Variants in ST7 observed in about 807,000 individuals in gnomAD.
ST7 encodes the protein suppressor of tumorigenicity 7 protein.
Under a neutral mutation model 78.7 loss-of-function variants are expected in ST7, and 28 were observed. The observed-to-expected ratio is 0.36, with a 90% CI of 0.26 to 0.49. ST7 has a LOEUF of 0.49. Among genes scored for constraint, ST7 ranks in the 20% least tolerant of loss-of-function variants. The pLI is 0.99. For missense variants in ST7, 418 were observed against 696.0 expected, an observed-to-expected ratio of 0.60 and a Z score of 4.49; for synonymous variants, 247 against 249.6, an observed-to-expected ratio of 0.99 and a Z score of 0.10.
intron 1 of ST7, among the ~76,000 whole-genome samples, chr7:117,014,046 C>T (rs901153999): frequency 3.3e-5 from 5 of 152,038 alleles, no homozygotes; most frequent in Non-Finnish European, 7.4e-5. Context: ...AACCAAACAC[C>T]CCACTACTCC....
At chr7:117,121,389 A>G (rs1399011688) in intron 3 of ST7, among the ~76,000 whole-genome samples, 1 of 152,186 alleles carries the variant, frequency 6.6e-6, no homozygotes, top group Non-Finnish European at 1.5e-5. Flanking sequence ...GATAAAATAA[A>G]TTGTGCCAAG....
chr7:117,023,799 T>C (rs1370781644), intron 1 of ST7, among the ~76,000 whole-genome samples: 2 of 151,328 alleles, frequency 1.3e-5, no homozygotes, highest in East Asian at 1.9e-4. Flanking sequence ...ATATATCGTG[T>C]GTGTGCGTGT....
At chr7:117,103,791 A>G (rs80348169) in intron 2 of ST7, among the ~76,000 whole-genome samples, 185 of 152,346 alleles carry the variant, frequency 1.2e-3, no homozygotes, top group Middle Eastern at 3.4e-3. Flanking sequence ...AAAGGAAACA[A>G]TAAAGTGAAG....
At chr7:116,996,566 C>T (rs534079533) in intron 1 of ST7, among the ~76,000 whole-genome samples, 5 of 152,312 alleles carry the variant, frequency 3.3e-5, no homozygotes, top group African/African-American at 7.2e-5. Context: ...ACAGTCTCTT[C>T]GTAACCAGGC....
At chr7:117,042,881 T>A (rs899572518) in intron 1 of ST7, among the ~76,000 whole-genome samples, 8 of 152,136 alleles carry the variant, frequency 5.3e-5, no homozygotes, top group Non-Finnish European at 1.0e-4. Flanking sequence ...TTTGACATAA[T>A]CTCTAGGTCC....
intron 9 of ST7, among the ~76,000 whole-genome samples, chr7:117,140,071 TAGG>T (rs1805146188): frequency 6.6e-6 from 1 of 152,238 alleles, no homozygotes; most frequent in South Asian, 2.1e-4. Context: ...AGCAACTTAA[TAGG>T]AGGAACAAAT....
At chr7:117,085,370 T>G (rs1800058087) in intron 1 of ST7, among the ~76,000 whole-genome samples, 2 of 152,204 alleles carry the variant, frequency 1.3e-5, no homozygotes, top group South Asian at 4.1e-4. Flanking sequence ...TTTTAATGGT[T>G]TCTGTGTTTT....
chr7:117,063,677 C>T (rs1369302307), intron 1 of ST7, among the ~76,000 whole-genome samples: 2 of 152,018 alleles, frequency 1.3e-5, no homozygotes, highest in African/African-American at 4.8e-5. Context: ...CCACTGTACT[C>T]CAGCCTGGGC....
chr7:117,021,697 A>G (rs551940206), intron 1 of ST7, among the ~76,000 whole-genome samples: 2 of 152,286 alleles, frequency 1.3e-5, no homozygotes, highest in South Asian at 2.1e-4. Context: ...TGGCTTTTTA[A>G]AAAGGTTAAT....
chr7:117,214,462 A>G (rs1792531883), intron 13 of ST7, among the ~76,000 whole-genome samples: 1 of 152,182 alleles, frequency 6.6e-6, no homozygotes, highest in Admixed American at 6.5e-5. Context: ...AATGCTGCTC[A>G]CTGTAAGATG....
At chr7:117,115,403 G>A (rs1216118909) in intron 2 of ST7, among the ~76,000 whole-genome samples, 1 of 146,932 alleles carries the variant, frequency 6.8e-6, no homozygotes, top group African/African-American at 2.5e-5. Context: ...CACCCAGGCT[G>A]GAGTACAGTC....
chr7:116,965,963 T>TCACAGG, intron 1 of ST7: 4 of 348,894 alleles, frequency 1.1e-5, no homozygotes, highest in South Asian at 1.0e-4. Flanking sequence ...ATAGTAGTGG[T>TCACAGG]CACAGGCAAG....
intron 9 of ST7, chr7:117,145,389 C>T (rs1435862778): frequency 6.6e-6 from 1 of 152,162 alleles, no homozygotes; most frequent in Non-Finnish European, 1.5e-5. Context: ...GAAATTTATT[C>T]TCTCACAATT....
In ST7 at chr7:117,097,908, A is replaced by ATTTTT. The variant is rs751549285; in HGVS notation, c.152-1838_152-1834dup. Among the ~76,000 whole-genome samples, 15 of 30,010 alleles carry ATTTTT rather than the reference A, an allele frequency of 5.0e-4. 1 individual carries two copies. Among genetic ancestry groups the ATTTTT allele is most frequent in the African/African-American group, 2.1e-3 (13 of 6,264 alleles). 19.7% of individuals were successfully genotyped at this position (30,010 alleles called of 152,430 possible). ...TATATATATATATATATATATATAT[A>ATTTTT]TTTTTTTTTTTTTTTTTTTTGATGG... On this transcript the variant is annotated intron_variant, in intron 1 of 15. Transcript: ENST00000323984.
At chr7:117,135,687 T>C (rs1054489819) in intron 7 of ST7, among the ~76,000 whole-genome samples, 1 of 152,102 alleles carries the variant, frequency 6.6e-6, no homozygotes, top group African/African-American at 2.4e-5. Context: ...CTGACATTTA[T>C]TGAGCACTTA....
rs531885175 is a variant in ST7, at chr7:116,976,181, C to T, written c.151+22490C>T. Among the ~76,000 whole-genome samples the T allele has an allele frequency of 2.7e-3, 413 of 152,148 alleles. 3 individuals carry two copies. The highest frequency in any genetic ancestry group is 3.8e-3 in the Non-Finnish European group (256 of 67,992). Reference sequence around the variant, plus strand: ...TTGGGAGGCTGAGGGAGAGAATTGCCTGAACCCAGGAGACGGAGTTTGCAG... The same window carrying T: ...TTGGGAGGCTGAGGGAGAGAATTGCTTGAACCCAGGAGACGGAGTTTGCAG... On this transcript the variant is annotated intron_variant, in intron 1 of 15. Coordinates refer to ENST00000323984, the MANE Select transcript of ST7 (RefSeq NM_001369598.1).
intron 2 of ST7, among the ~76,000 whole-genome samples, chr7:117,106,409 A>G (rs558316883): frequency 2.0e-5 from 3 of 151,726 alleles, no homozygotes; most frequent in African/African-American, 7.3e-5. Flanking sequence ...AAGCTTGTTT[A>G]TTTTTATTTT....
At chr7:116,986,934 ACTT>A (rs1794217713) in intron 1 of ST7, among the ~76,000 whole-genome samples, 1 of 152,162 alleles carries the variant, frequency 6.6e-6, no homozygotes, top group Non-Finnish European at 1.5e-5. Context: ...ATGATTAAGA[ACTT>A]CTGCTGCTGG....
chr7:116,974,314 G>A (rs539439071), intron 1 of ST7, among the ~76,000 whole-genome samples: 2 of 150,204 alleles, frequency 1.3e-5, no homozygotes, highest in Non-Finnish European at 3.0e-5. Context: ...TTGAGACAGA[G>A]CCTCACTGTG....
Sources: allele counts gnomAD v4.1 joint callset (sites outside exome capture counted in the v4.1 genomes callset), GRCh38; gene constraint gnomAD v4.1.1; transcripts MANE v1.5; gene names NCBI Gene and HGNC (gene_info 2026-07-23, HGNC 2026-07-21).